SLC35F1: variants seen among roughly 807,000 people sequenced by gnomAD.
The protein encoded by SLC35F1 is solute carrier family 35 member F1, also known as chromosome 6 open reading frame 169.
In SLC35F1, 14 loss-of-function variants were observed where a neutral mutation model predicts 48.7. That is an observed-to-expected ratio of 0.29 (90% CI 0.19 to 0.45). The LOEUF is 0.45. SLC35F1 is among the 20% of genes least tolerant of loss of function. The pLI is 1.00. For synonymous variants in SLC35F1, 190 were observed against 202.2 expected, an observed-to-expected ratio of 0.94 and a Z score of 0.51; for missense variants, 404 against 500.0, an observed-to-expected ratio of 0.81 and a Z score of 1.83.
intron 1 of SLC35F1, among the ~76,000 whole-genome samples, chr6:118,068,101 A>G (rs1173173750): frequency 2.0e-5 from 3 of 152,128 alleles, no homozygotes; most frequent in African/African-American, 7.2e-5. Context: ...CAGAAGAGAG[A>G]GAGTGAATTC....
chr6:118,233,441 G>A (rs1019410279), intron 2 of SLC35F1, among the ~76,000 whole-genome samples: 14 of 152,160 alleles, frequency 9.2e-5, no homozygotes, highest in East Asian at 1.9e-4. Flanking sequence ...CTGACCTTGC[G>A]GATCACATCT....
At chr6:118,070,141 T>C (rs1231187700) in intron 1 of SLC35F1, among the ~76,000 whole-genome samples, 1 of 2,808 alleles carries the variant, frequency 3.6e-4, no homozygotes, top group African/African-American at 8.8e-4. Context: ...AGACTCCGTC[T>C]CAAAAAAAAA....
At chr6:118,252,221 G>A (rs1328546032) in intron 3 of SLC35F1, among the ~76,000 whole-genome samples, 1 of 152,152 alleles carries the variant, frequency 6.6e-6, no homozygotes, top group East Asian at 1.9e-4. Context: ...CCTTTAAGGA[G>A]TAGAAGTGGA....
intron 1 of SLC35F1, among the ~76,000 whole-genome samples, chr6:118,106,643 A>G (rs1304137137): frequency 6.6e-6 from 1 of 152,232 alleles, no homozygotes; most frequent in Non-Finnish European, 1.5e-5. Flanking sequence ...CAAAAAGACT[A>G]CTGTTTAAAG....
intron 7 of SLC35F1, among the ~76,000 whole-genome samples, chr6:118,301,955 T>C (rs1776258598): frequency 6.6e-6 from 1 of 152,210 alleles, no homozygotes; most frequent in South Asian, 2.1e-4. Flanking sequence ...ATAAAGCTGC[T>C]TAAAGGTTGA....
rs61648470 is a variant in SLC35F1, at chr6:118,078,723, A to G, written c.174-75722A>G. 4.0e-3 allele frequency among the ~76,000 whole-genome samples: 604 copies of G among 152,202 alleles called. 4 individuals carry two copies. The highest frequency in any genetic ancestry group is 0.014 in the African/African-American group (563 of 41,522). ...ATAGGGTCTCCTCTACTACTCCTCC[A>G]CACCAAGATGGTGTCAAGGTGCAGA... On this transcript the variant is annotated intron_variant, in intron 1 of 7. Transcript: ENST00000360388.
chr6:117,923,250 C>T (rs1187118444), intron 1 of SLC35F1, among the ~76,000 whole-genome samples: 2 of 151,932 alleles, frequency 1.3e-5, no homozygotes, highest in African/African-American at 2.4e-5. Flanking sequence ...TGTGCTGGCA[C>T]CTCAGAATAA....
chr6:117,907,269 C>T lies in SLC35F1; in HGVS notation c.-458C>T, dbSNP rs1214938563. 5.3e-5 allele frequency among the ~76,000 whole-genome samples: 8 copies of T among 150,364 alleles called. No homozygotes were observed. The highest frequency in any genetic ancestry group is 1.2e-4 in the Non-Finnish European group (8 of 67,600). ...GGTCTCTCACTCCGTGAGACACAGA[C>T]GGTAGCTTTCCGACCGAGCGGGGCA... On this transcript the variant is annotated 5_prime_UTR_variant, in exon 1 of 8. The change creates a new upstream start codon in the 5' untranslated region. Coordinates refer to ENST00000360388, the MANE Select transcript of SLC35F1 (RefSeq NM_001029858.4).
At chr6:117,961,824 A>G (rs867695636) in intron 1 of SLC35F1, among the ~76,000 whole-genome samples, 2 of 152,228 alleles carry the variant, frequency 1.3e-5, no homozygotes, top group African/African-American at 4.8e-5. Flanking sequence ...TTCTAATTCA[A>G]TGCAACTCAA....
chr6:117,978,118 A>T lies in SLC35F1; in HGVS notation c.173+70219A>T, dbSNP rs183589086. On this transcript the variant is annotated intron_variant, in intron 1 of 7. Transcript: ENST00000360388. ...TTATTTCTTCAGATGTGTTTATCTGAACTGAATTTGATTTCCTCTGCTATT... is the reference window on the plus strand; with the variant it reads ...TTATTTCTTCAGATGTGTTTATCTGTACTGAATTTGATTTCCTCTGCTATT... Among the ~76,000 whole-genome samples the T allele has an allele frequency of 1.2e-4, 18 of 152,076 alleles. No homozygotes were observed. The East Asian group carries it at 3.5e-3, about 29-fold the overall frequency.
chr6:118,064,072 A>T (rs1772580062), intron 1 of SLC35F1, among the ~76,000 whole-genome samples: 1 of 152,196 alleles, frequency 6.6e-6, no homozygotes, highest in Admixed American at 6.5e-5. Context: ...GAGGCCTCAC[A>T]GTCATGGTGG....
chr6:118,022,593 G>A (rs946914568), intron 1 of SLC35F1, among the ~76,000 whole-genome samples: 16 of 151,932 alleles, frequency 1.1e-4, no homozygotes, highest in Non-Finnish European at 5.9e-5. Context: ...GAGGAGAAAA[G>A]GAAGTTGATG....
intron 2 of SLC35F1, among the ~76,000 whole-genome samples, chr6:118,221,363 G>A (rs1361923352): frequency 6.6e-6 from 1 of 152,142 alleles, no homozygotes; most frequent in African/African-American, 2.4e-5. Context: ...GAACAAGAAA[G>A]GTTCTTAGCT....
chr6:118,205,844 C>T (rs898925698), intron 2 of SLC35F1, among the ~76,000 whole-genome samples: 3 of 152,080 alleles, frequency 2.0e-5, no homozygotes, highest in African/African-American at 4.8e-5. Context: ...ATATGGACTA[C>T]CCTTGAAAAT....
In SLC35F1 at chr6:118,219,875, G is replaced by T. The variant is rs182142891; in HGVS notation, c.350-15634G>T. Among the ~76,000 whole-genome samples the T allele has an allele frequency of 3.1e-4, 47 of 152,270 alleles. 1 individual carries two copies. In the East Asian group the frequency reaches 8.5e-3, roughly 28 times the overall value. The stretch of plus-strand genomic sequence containing the variant: ...GAGTTCATGTCCTTTGTAGGGACAT[G>T]GATGGAGCTGGAAACCATCATTCTG... On this transcript the variant is annotated intron_variant, in intron 2 of 7. Transcript: ENST00000360388.
chr6:118,242,877 G>GA (rs764915467), intron 3 of SLC35F1, among the ~76,000 whole-genome samples: 52 of 152,176 alleles, frequency 3.4e-4, no homozygotes, highest in Non-Finnish European at 5.4e-4. Context: ...ATGCTGAGGG[G>GA]TCTGAGCCTC....
rs918210130 is a variant in SLC35F1 at position 117,907,582 on chromosome 6, C to T, written c.-145C>T. 4.6e-6 allele frequency: 2 copies of T among 432,402 alleles called. No individual in the cohort carries two copies. Among genetic ancestry groups the T allele is most frequent in the Non-Finnish European group, 7.9e-6 (2 of 253,006 alleles). 26.8% of individuals were successfully genotyped at this position (432,402 alleles called of 1,614,324 possible). A position where few individuals can be genotyped will look rare whatever the true frequency, so the allele number is the denominator to read the frequency against. On this transcript the variant is annotated 5_prime_UTR_variant, in exon 1 of 8. Transcript: ENST00000360388. ...CGGCGGCGGCCGTAGCCGCGGGTGCCTCCCCGCCTCACCGCTTCGCAGGCA... is the reference window on the plus strand; with the variant it reads ...CGGCGGCGGCCGTAGCCGCGGGTGCTTCCCCGCCTCACCGCTTCGCAGGCA...
At chr6:118,021,199 G>C (rs1051795628) in intron 1 of SLC35F1, among the ~76,000 whole-genome samples, 1 of 152,130 alleles carries the variant, frequency 6.6e-6, no homozygotes, top group Admixed American at 6.6e-5. Flanking sequence ...GCAGATCAGA[G>C]ACATCTTGCA....
At chr6:118,171,622 A>G (rs1170246504) in intron 2 of SLC35F1, among the ~76,000 whole-genome samples, 1 of 152,106 alleles carries the variant, frequency 6.6e-6, no homozygotes, top group African/African-American at 2.4e-5. Flanking sequence ...CTATTTCCCC[A>G]CTTAAGTGTC....
Sources: allele counts gnomAD v4.1 joint callset (sites outside exome capture counted in the v4.1 genomes callset), GRCh38; gene constraint gnomAD v4.1.1; transcripts MANE v1.5; gene names NCBI Gene and HGNC (gene_info 2026-07-23, HGNC 2026-07-21).